Variants in PTPN13 observed in about 807,000 individuals in gnomAD.
PTPN13 encodes protein tyrosine phosphatase non-receptor type 13, also known as tyrosine-protein phosphatase non-receptor type 13.
A neutral mutation model predicts 284.0 loss-of-function variants in PTPN13; 191 were observed. The ratio of observed to expected loss-of-function variants is 0.67; its 90% CI spans 0.60 to 0.76. The LOEUF (loss-of-function observed/expected upper bound fraction) is 0.76. Among genes scored for constraint, PTPN13 ranks in the 30% least tolerant of loss-of-function variants. The pLI, the probability that PTPN13 is intolerant of heterozygous loss-of-function variation, is 0.00. For synonymous variants in PTPN13, 986 were observed against 1,022.3 expected (o/e 0.96, Z 0.68); for missense variants, 2,797 against 2,939.9 (o/e 0.95, Z 1.12).
chr4:86,700,469 C>T (rs1316966910), intron 6 of PTPN13, among the ~76,000 whole-genome samples: 3 of 151,686 alleles, frequency 2.0e-5, no homozygotes, highest in African/African-American at 7.3e-5. Flanking sequence ...TAGACTACTG[C>T]CTTTTAAAAA....
intron 3 of PTPN13, among the ~76,000 whole-genome samples, chr4:86,674,659 T>C (rs1418038859): frequency 6.6e-6 from 1 of 152,188 alleles, no homozygotes; most frequent in African/African-American, 2.4e-5. Context: ...ATAGTAGTTA[T>C]AAGGTAGGGG....
intron 16 of PTPN13, 151 bp from the exon 17 acceptor site, chr4:86,744,815 A>T: frequency 1.5e-6 from 1 of 681,940 alleles, no homozygotes; most frequent in Non-Finnish European, 2.4e-6. Flanking sequence ...CTCATGATGT[A>T]TTTCTTGGAA....
At chr4:86,784,712 A>G (rs1741705170) in intron 38 of PTPN13, among the ~76,000 whole-genome samples, 154 bp downstream of exon 38, 5 of 152,142 alleles carry the variant, frequency 3.3e-5, no homozygotes. Flanking sequence ...CAATATATAA[A>G]TGTCCCAGTA....
At chr4:86,660,010 A>G (rs1426793519) in intron 2 of PTPN13, among the ~76,000 whole-genome samples, 15 of 152,228 alleles carry the variant, frequency 9.9e-5, no homozygotes, top group Non-Finnish European at 7.3e-5. Flanking sequence ...GAAGAAGGAA[A>G]TATAACCCAG....
At chr4:86,596,094 A>G (rs951949064) in intron 1 of PTPN13, among the ~76,000 whole-genome samples, 2 of 152,186 alleles carry the variant, frequency 1.3e-5, no homozygotes, top group Admixed American at 1.3e-4. Flanking sequence ...TGTTTATTAT[A>G]CTTTGTTCAT....
chr4:86,763,621 A>C (rs1738956696), intron 24 of PTPN13, among the ~76,000 whole-genome samples: 1 of 152,242 alleles, frequency 6.6e-6, no homozygotes, highest in Non-Finnish European at 1.5e-5. Flanking sequence ...AAAATAGCTC[A>C]TTCTGGCTGG....
At chr4:86,798,990 A>T in intron 41 of PTPN13, 111 bp from the exon 42 acceptor site, 1 of 658,750 alleles carries the variant, frequency 1.5e-6, no homozygotes, top group Non-Finnish European at 2.5e-6. Flanking sequence ...TGGTTTTCTT[A>T]GACATTCTAT....
At chr4:86,632,702 C>T (rs1256775339) in intron 1 of PTPN13, among the ~76,000 whole-genome samples, 1 of 151,698 alleles carries the variant, frequency 6.6e-6, no homozygotes, top group African/African-American at 2.4e-5. Flanking sequence ...CTCCCTTCTT[C>T]CTTTTTCTTG....
At chr4:86,622,802 T>G (rs559586218) in intron 1 of PTPN13, among the ~76,000 whole-genome samples, 2 of 152,182 alleles carry the variant, frequency 1.3e-5, no homozygotes, top group Admixed American at 6.5e-5. Flanking sequence ...ATCTATATGT[T>G]GACTATTCTA....
At chr4:86,657,158 AC>A (rs1227253499) in intron 2 of PTPN13, among the ~76,000 whole-genome samples, 4 of 151,832 alleles carry the variant, frequency 2.6e-5, no homozygotes, top group Non-Finnish European at 4.4e-5. Context: ...GAATTCCCCG[AC>A]CCCTTGCACT....
intron 1 of PTPN13, among the ~76,000 whole-genome samples, chr4:86,611,916 G>C (rs190803841): frequency 6.6e-6 from 1 of 152,144 alleles, no homozygotes; most frequent in Non-Finnish European, 1.5e-5. Context: ...CCACACAAAA[G>C]GATTCAAAGA....
At position 86,811,094 on chromosome 4, in the gene PTPN13, A is replaced by G; in HGVS notation, c.7348A>G (p.Met2450Val). The G allele has an allele frequency of 6.2e-7, 1 of 1,613,594 alleles. No homozygotes were observed. Among genetic ancestry groups the G allele is most frequent in the African/African-American group, 1.3e-5 (1 of 75,036 alleles). Reference sequence around the variant, plus strand: ...CTGCATGAGACTACAAAGACACGGAATGGTTCAGACAGAGGTGAGTCATGG... The same window carrying G: ...CTGCATGAGACTACAAAGACACGGAGTGGTTCAGACAGAGGTGAGTCATGG... ...VRCMRLQRHG[M>V]VQTEDQYIFC... Residue 2450 changes from methionine (M) to valine (V), a missense_variant, in exon 47 of 48, where the codon ATG becomes GTG. By Grantham distance (21) the Met-to-Val change is conservative (BLOSUM62 1). Coordinates refer to ENST00000411767, the MANE Select transcript of PTPN13 (RefSeq NM_080683.3).
At chr4:86,663,319 G>T (rs1453966856) in intron 2 of PTPN13, among the ~76,000 whole-genome samples, 1 of 152,216 alleles carries the variant, frequency 6.6e-6, no homozygotes, top group African/African-American at 2.4e-5. Flanking sequence ...CCCATGGGGG[G>T]GTTTGCACTG....
At chr4:86,717,377 T>C (rs13152382) in intron 9 of PTPN13, among the ~76,000 whole-genome samples, 12,416 of 151,916 alleles carry the variant, frequency 0.082, 641 homozygotes, top group Non-Finnish European at 0.11. Flanking sequence ...TTAGTAGAGA[T>C]GGGGTTTCAC....
At chr4:86,639,429 A>C (rs989470832) in intron 2 of PTPN13, among the ~76,000 whole-genome samples, 2 of 152,204 alleles carry the variant, frequency 1.3e-5, no homozygotes, top group African/African-American at 4.8e-5. Context: ...AACCAAGCCA[A>C]ATGTCCAACA....
At position 86,615,563 on chromosome 4, in the gene PTPN13, T is replaced by C. The variant is rs142191098; in HGVS notation, c.-5-19689T>C. 3.4e-3 allele frequency among the ~76,000 whole-genome samples: 511 copies of C among 152,246 alleles called. 1 individual carries two copies. The highest frequency in any genetic ancestry group is 0.012 in the African/African-American group (494 of 41,558). On this transcript the variant is annotated intron_variant, in intron 1 of 47. Transcript: ENST00000411767. ...TTATAGCATTTTACAGACAATATAGTGTTAGACTTGGAAAACATGTTAGAG... is the reference window on the plus strand; with the variant it reads ...TTATAGCATTTTACAGACAATATAGCGTTAGACTTGGAAAACATGTTAGAG...
intron 19 of PTPN13, among the ~76,000 whole-genome samples, chr4:86,751,444 C>G (rs1737377193): frequency 6.6e-6 from 1 of 152,148 alleles, no homozygotes. Context: ...ACCTCAGCCT[C>G]CTGAATAGCT....
chr4:86,754,765 G>A (rs1578582339), intron 20 of PTPN13, among the ~76,000 whole-genome samples: 1 of 152,040 alleles, frequency 6.6e-6, no homozygotes, highest in East Asian at 1.9e-4. Flanking sequence ...GAATATGAAT[G>A]TACATTGGAT....
At chr4:86,628,158 A>G (rs1320805358) in intron 1 of PTPN13, among the ~76,000 whole-genome samples, 1 of 152,158 alleles carries the variant, frequency 6.6e-6, no homozygotes, top group Non-Finnish European at 1.5e-5. Flanking sequence ...AAAGTGTGCC[A>G]TTTTACATTC....
Sources: allele counts gnomAD v4.1 joint callset (sites outside exome capture counted in the v4.1 genomes callset), GRCh38; gene constraint gnomAD v4.1.1; transcripts MANE v1.5; gene names NCBI Gene and HGNC (gene_info 2026-07-23, HGNC 2026-07-21).